KCTD16: variants seen among roughly 807,000 people sequenced by gnomAD.
The protein encoded by KCTD16 is BTB/POZ domain-containing protein KCTD16.
Under a neutral mutation model 33.2 loss-of-function variants are expected in KCTD16, and 13 were observed. That is an observed-to-expected ratio of 0.39 (90% confidence interval 0.25 to 0.62). The LOEUF (loss-of-function observed/expected upper bound fraction) is 0.62. Among genes scored for constraint, KCTD16 ranks in the 20% least tolerant of loss-of-function variants. The pLI, the probability that KCTD16 is intolerant of heterozygous loss-of-function variation, is 0.50. For missense variants in KCTD16, 441 were observed against 525.1 expected (o/e 0.84, Z 1.57); for synonymous variants, 197 against 195.3 (o/e 1.01, Z -0.07).
Position 144,176,698 on chromosome 5 carries a change from G to A in KCTD16, c.-327+2226G>A, listed in dbSNP as rs554893279. ...ATTACAGGCGTGAGCCACCGCGCCC[G>A]GCCAAGATATAGTGTTTCTTAAAAT... On this transcript the variant is annotated intron_variant, in intron 2 of 3. Transcript: ENST00000512467. Among the ~76,000 whole-genome samples the A allele has an allele frequency of 2.6e-4, 39 of 152,172 alleles. No homozygotes were observed. In the South Asian group the frequency reaches 5.8e-3, roughly 23 times the overall value.
intron 3 of KCTD16, among the ~76,000 whole-genome samples, chr5:144,281,606 G>A (rs575634836): frequency 2.2e-4 from 33 of 152,100 alleles, no homozygotes; most frequent in African/African-American, 7.0e-4. Context: ...TTTTCTGACA[G>A]CATATGGCCT....
intron 3 of KCTD16, among the ~76,000 whole-genome samples, chr5:144,215,482 G>A (rs749091495): frequency 1.2e-4 from 19 of 152,148 alleles, no homozygotes; most frequent in Admixed American, 2.0e-4. Flanking sequence ...AATGCCAGAG[G>A]CAGCATAACA....
At chr5:144,173,145 A>G (rs1752431041) in intron 1 of KCTD16, among the ~76,000 whole-genome samples, 1 of 152,244 alleles carries the variant, frequency 6.6e-6, no homozygotes, top group African/African-American at 2.4e-5. Flanking sequence ...ACCCAAAAGG[A>G]TATAAATCAG....
chr5:144,276,685 C>T (rs1755446336), intron 3 of KCTD16, among the ~76,000 whole-genome samples: 1 of 152,106 alleles, frequency 6.6e-6, no homozygotes, highest in African/African-American at 2.4e-5. Context: ...GGGTGGATCT[C>T]TTGAGGTCAG....
At chr5:144,396,930 A>ATT (rs1417613228) in intron 3 of KCTD16, among the ~76,000 whole-genome samples, 35 of 145,686 alleles carry the variant, frequency 2.4e-4, no homozygotes, top group South Asian at 4.4e-4. Flanking sequence ...ATATATATAT[A>ATT]TATTTTATTA....
rs1754591898 is a variant in KCTD16 at position 144,476,229 on chromosome 5, A to T, written c.*2115A>T. 1 of 152,184 alleles carries T rather than the reference A, an allele frequency of 6.6e-6. No individual in the cohort carries two copies. The highest frequency in any genetic ancestry group is 2.4e-5 in the African/African-American group (1 of 41,454). 9.4% of individuals were successfully genotyped at this position (152,184 alleles called of 1,614,324 possible). A position where few individuals can be genotyped will look rare whatever the true frequency, so the allele number is the denominator to read the frequency against. The stretch of plus-strand genomic sequence containing the variant: ...TCCTGAAACTCACTTTGGTCAAATG[A>T]TTATTGTGTTGTCACTGGAAGTACT... On this transcript the variant is annotated 3_prime_UTR_variant, in exon 4 of 4. Coordinates refer to ENST00000512467, the MANE Select transcript of KCTD16 (RefSeq NM_020768.4).
At position 144,300,706 on chromosome 5, in the gene KCTD16, T is replaced by C. The variant is rs541272692; in HGVS notation, c.832+93160T>C. ...TGAAGAGTACGGCCATATAAACTCA[T>C]AATTGATATACAATGTGGTTGGGCA... On this transcript the variant is annotated intron_variant, in intron 3 of 3. Coordinates refer to ENST00000512467, the MANE Select transcript of KCTD16 (RefSeq NM_020768.4). Among the ~76,000 whole-genome samples, 5 of 152,290 alleles carry C rather than the reference T, an allele frequency of 3.3e-5. No homozygotes were observed. In the South Asian group the frequency reaches 1.0e-3, roughly 32 times the overall value.
chr5:144,424,359 A>C (rs1753276633), intron 3 of KCTD16, among the ~76,000 whole-genome samples: 1 of 152,162 alleles, frequency 6.6e-6, no homozygotes, highest in African/African-American at 2.4e-5. Flanking sequence ...ATTGACTAGG[A>C]TATCCCTGCA....
chr5:144,336,519 G>T (rs1180404367), intron 3 of KCTD16, among the ~76,000 whole-genome samples: 5 of 152,050 alleles, frequency 3.3e-5, no homozygotes, highest in Admixed American at 6.6e-5. Flanking sequence ...AAACCTCTTT[G>T]CCCCTGGTCC....
At chr5:144,321,396 C>G (rs1204885435) in intron 3 of KCTD16, among the ~76,000 whole-genome samples, 2 of 152,116 alleles carry the variant, frequency 1.3e-5, no homozygotes, top group African/African-American at 4.8e-5. Context: ...CAGAAGCTCC[C>G]CAGGCAATTC....
intron 3 of KCTD16, among the ~76,000 whole-genome samples, chr5:144,347,815 A>C (rs1214483833): frequency 6.6e-6 from 1 of 151,962 alleles, no homozygotes. Context: ...ATCTGGGGGG[A>C]TCTCTTCTGC....
intron 3 of KCTD16, among the ~76,000 whole-genome samples, chr5:144,365,349 TTAAA>T (rs1225983581): frequency 1.3e-5 from 2 of 152,166 alleles, no homozygotes; most frequent in African/African-American, 4.8e-5. Context: ...TGAAACTTAT[TTAAA>T]TAATATTTAT....
chr5:144,173,162 A>G (rs189611056), intron 1 of KCTD16, among the ~76,000 whole-genome samples: 17 of 152,372 alleles, frequency 1.1e-4, no homozygotes, highest in African/African-American at 4.1e-4. Flanking sequence ...TCAGTCTATC[A>G]TAACTACGCA....
chr5:144,460,214 G>A (rs1361271283), intron 3 of KCTD16, among the ~76,000 whole-genome samples: 1 of 152,104 alleles, frequency 6.6e-6, no homozygotes, highest in Admixed American at 6.5e-5. Context: ...GCCATCTTGT[G>A]TTTCTACCAC....
At chr5:144,428,051 T>C (rs1294718994) in intron 3 of KCTD16, among the ~76,000 whole-genome samples, 1 of 152,166 alleles carries the variant, frequency 6.6e-6, no homozygotes, top group Non-Finnish European at 1.5e-5. Flanking sequence ...CCTTGACTTG[T>C]GGCCACAGAG....
chr5:144,428,397 AG>A (rs1753382300), intron 3 of KCTD16, among the ~76,000 whole-genome samples: 1 of 152,144 alleles, frequency 6.6e-6, no homozygotes, highest in South Asian at 2.1e-4. Flanking sequence ...TGATTTAGAC[AG>A]GGGAATTTTC....
intron 2 of KCTD16, among the ~76,000 whole-genome samples, chr5:144,196,367 TTA>T (rs1239250710): frequency 6.6e-6 from 1 of 152,166 alleles, no homozygotes; most frequent in Non-Finnish European, 1.5e-5. Flanking sequence ...TTTTCTTTCT[TTA>T]CCCTTATAGG....
intron 3 of KCTD16, among the ~76,000 whole-genome samples, chr5:144,254,162 G>A (rs1754779321): frequency 6.6e-6 from 1 of 151,810 alleles, no homozygotes; most frequent in Non-Finnish European, 1.5e-5. Flanking sequence ...TTTTGAGACG[G>A]AGTCTCGCTC....
intron 3 of KCTD16, among the ~76,000 whole-genome samples, chr5:144,368,236 G>A (rs1002273980): frequency 1.3e-5 from 2 of 152,046 alleles, no homozygotes; most frequent in African/African-American, 2.4e-5. Context: ...GGAATTTGCA[G>A]GTGAAATTAA....
Sources: allele counts gnomAD v4.1 joint callset (sites outside exome capture counted in the v4.1 genomes callset), GRCh38; gene constraint gnomAD v4.1.1; transcripts MANE v1.5; gene names NCBI Gene and HGNC (gene_info 2026-07-23, HGNC 2026-07-21).